FARP1: variants seen among roughly 807,000 people sequenced by gnomAD.
The protein encoded by FARP1 is FERM, ARH/RhoGEF and pleckstrin domain protein 1.
A neutral mutation model predicts 128.8 loss-of-function variants in FARP1; 52 were observed. That is an observed-to-expected ratio of 0.40 (90% CI 0.32 to 0.51). FARP1 has a LOEUF of 0.51. Ranked by LOEUF, FARP1 falls within the 20% of genes least tolerant of loss-of-function variation. FARP1 has a pLI of 0.45. For synonymous variants in FARP1, 580 were observed against 551.8 expected (o/e 1.05, Z -0.72); for missense variants, 1,333 against 1,367.9 (o/e 0.97, Z 0.40).
intron 2 of FARP1, among the ~76,000 whole-genome samples, chr13:98,285,709 G>A (rs561891247): frequency 3.0e-4 from 45 of 152,224 alleles, no homozygotes; most frequent in Non-Finnish European, 5.1e-4. Flanking sequence ...TTATGGAGAT[G>A]ATCTTGTTCA....
intron 1 of FARP1, among the ~76,000 whole-genome samples, chr13:98,165,214 CAAAA>C (rs34285712): frequency 1.4e-4 from 12 of 84,734 alleles, no homozygotes; most frequent in African/African-American, 4.2e-4. Flanking sequence ...GACTCTGTCT[CAAAA>C]AAAAAAAAAA....
intron 2 of FARP1, among the ~76,000 whole-genome samples, chr13:98,248,179 A>G (rs1241887185): frequency 6.6e-6 from 1 of 152,226 alleles, no homozygotes; most frequent in Non-Finnish European, 1.5e-5. Context: ...CCTCTGTCTA[A>G]TATCTGGCAT....
intron 2 of FARP1, among the ~76,000 whole-genome samples, chr13:98,300,344 C>T (rs894395630): frequency 1.3e-5 from 2 of 152,270 alleles, no homozygotes; most frequent in East Asian, 3.9e-4. Context: ...TTGCACGGAC[C>T]CCGTGTCTCT....
chr13:98,331,408 A>T (rs920433838), intron 2 of FARP1, among the ~76,000 whole-genome samples: 1 of 152,094 alleles, frequency 6.6e-6, no homozygotes, highest in Non-Finnish European at 1.5e-5. Context: ...TAGAGACCCC[A>T]TTTCCCACCT....
intron 4 of FARP1, among the ~76,000 whole-genome samples, chr13:98,366,027 A>G (rs1484066939): frequency 6.6e-6 from 1 of 151,968 alleles, no homozygotes; most frequent in African/African-American, 2.4e-5. Flanking sequence ...AAGAAAAAGA[A>G]TGCTTCCTTT....
At chr13:98,150,524 AT>A (rs1162368529) in intron 1 of FARP1, among the ~76,000 whole-genome samples, 2 of 152,156 alleles carry the variant, frequency 1.3e-5, no homozygotes, top group African/African-American at 2.4e-5. Flanking sequence ...TTGCCTTTTC[AT>A]TTTTTAAGTA....
chr13:98,217,710 C>G (rs1274893793), intron 2 of FARP1, among the ~76,000 whole-genome samples: 1 of 152,196 alleles, frequency 6.6e-6, no homozygotes, highest in Non-Finnish European at 1.5e-5. Context: ...TCTGCATTAG[C>G]TTCTCATGCC....
At position 98,388,662 on chromosome 13, in the gene FARP1, G is replaced by A. The variant is rs569023406; in HGVS notation, c.855+184G>A. On this transcript the variant is annotated intron_variant, in intron 9 of 26. Coordinates refer to ENST00000319562, the MANE Select transcript of FARP1 (RefSeq NM_005766.4). ...GTATCCAAATGGTCGGTAACTCTAC[G>A]GCTGTCATCGTTGGTAAACAGAGAG... Among the ~76,000 whole-genome samples the A allele has an allele frequency of 8.5e-5, 13 of 152,272 alleles. No individual in the cohort carries two copies. In the South Asian group the frequency reaches 2.3e-3, roughly 27 times the overall value.
At chr13:98,418,280 TTG>T (rs1566305912) in intron 16 of FARP1, among the ~76,000 whole-genome samples, 2,638 of 148,240 alleles carry the variant, frequency 0.018, 79 homozygotes, top group African/African-American at 0.065. Flanking sequence ...GTTTTGTTTT[TTG>T]TTTTTTTTTT....
rs1886259512 is a variant in FARP1, at chr13:98,308,031, CTCTTTTTTTTTTTTTTTTTT to C, written c.172-35729_172-35710del. Among the ~76,000 whole-genome samples the C allele has an allele frequency of 4.7e-4, 5 of 10,536 alleles. No homozygotes were observed. In the South Asian group the frequency reaches 0.042, roughly 89 times the overall value. 6.9% of individuals were successfully genotyped at this position (10,536 alleles called of 152,430 possible). A position where few individuals can be genotyped will look rare whatever the true frequency, so the allele number is the denominator to read the frequency against. On this transcript the variant is annotated intron_variant, in intron 2 of 26. Coordinates refer to ENST00000319562, the MANE Select transcript of FARP1 (RefSeq NM_005766.4). The stretch of plus-strand genomic sequence containing the variant: ...CCCCCTCCGCCCGCCCCCACTCTCT[CTCTTTTTTTTTTTTTTTTTT>C]TTTTTTTTTTTTTTGCTAAATGCAG...
intron 3 of FARP1, among the ~76,000 whole-genome samples, chr13:98,362,743 G>A (rs188268248): frequency 2.6e-5 from 4 of 152,240 alleles, no homozygotes; most frequent in African/African-American, 7.2e-5. Flanking sequence ...ATGATCCAAG[G>A]ACACCTCAGA....
chr13:98,206,269 C>G (rs186764365), intron 1 of FARP1, among the ~76,000 whole-genome samples: 1 of 151,424 alleles, frequency 6.6e-6, no homozygotes, highest in Non-Finnish European at 1.5e-5. Flanking sequence ...GGTAGTCAAC[C>G]TTGGTGGTAT....
intron 2 of FARP1, among the ~76,000 whole-genome samples, chr13:98,262,040 G>A (rs1457243917): frequency 7.5e-6 from 1 of 133,686 alleles, no homozygotes; most frequent in African/African-American, 2.9e-5. Flanking sequence ...TTTTGAGATG[G>A]AGTCTTACTC....
At chr13:98,320,665 A>C (rs1373715114) in intron 2 of FARP1, among the ~76,000 whole-genome samples, 1 of 152,216 alleles carries the variant, frequency 6.6e-6, no homozygotes, top group Non-Finnish European at 1.5e-5. Context: ...ATTGTAAACA[A>C]AACTGTTTTA....
At chr13:98,188,421 C>T (rs752618383) in intron 1 of FARP1, among the ~76,000 whole-genome samples, 7 of 151,922 alleles carry the variant, frequency 4.6e-5, no homozygotes, top group South Asian at 2.1e-4. Flanking sequence ...TAAAGCTGGG[C>T]GTGGTGGTGT....
At chr13:98,238,489 A>T (rs1006031098) in intron 2 of FARP1, among the ~76,000 whole-genome samples, 2 of 151,996 alleles carry the variant, frequency 1.3e-5, no homozygotes, top group Non-Finnish European at 2.9e-5. Context: ...GTAATTTATT[A>T]AAAAAAGAGG....
chr13:98,246,156 G>A (rs1329563514), intron 2 of FARP1, among the ~76,000 whole-genome samples: 7 of 114,110 alleles, frequency 6.1e-5, no homozygotes, highest in African/African-American at 1.7e-4. Context: ...GTGCAGTGGC[G>A]CAATCTCGGC....
rs1878021972 is a variant in FARP1, at chr13:98,176,346, G to A, written c.-24+32854G>A. 4 of 1,613,900 alleles carry A rather than the reference G, an allele frequency of 2.5e-6. No individual in the cohort carries two copies. Among genetic ancestry groups the A allele is most frequent in the South Asian group, 1.1e-5 (1 of 91,086 alleles). On this transcript the variant is annotated intron_variant, in intron 1 of 26. Coordinates refer to ENST00000319562, the MANE Select transcript of FARP1 (RefSeq NM_005766.4). The surrounding 1 kb of genome is among the most constrained non-coding windows in gnomAD (Gnocchi z 6.2). ...CTTTGGCGGGGTTAAAGATGCCGCC[G>A]GTTGGCTGGTCACAGATGTAGCAGC...
chr13:98,301,981 A>G (rs964351715), intron 2 of FARP1, among the ~76,000 whole-genome samples: 11 of 151,940 alleles, frequency 7.2e-5, no homozygotes, highest in South Asian at 2.1e-4. Context: ...TTTTTCCCCT[A>G]AGGAAACCTG....
Sources: gnomAD v4.1 joint callset for allele counts (sites outside exome capture counted in the v4.1 genomes callset) on GRCh38, gnomAD v4.1.1 for gene constraint, Gnocchi (gnomAD v3.1) non-coding constraint, MANE v1.5 for transcripts, NCBI Gene and HGNC (gene_info 2026-07-23, HGNC 2026-07-21) for gene names.